CAMKMT: variants seen among roughly 807,000 people sequenced by gnomAD.
The protein encoded by CAMKMT is calmodulin-lysine N-methyltransferase, also known as CaM KMT.
CAMKMT carries 53 observed loss-of-function variants against 48.0 expected under a neutral mutation model. The observed-to-expected ratio is 1.10, with a 90% CI of 0.89 to 1.39. CAMKMT has a LOEUF of 1.39. Ranked by LOEUF, CAMKMT falls within the 40% of genes most tolerant of loss-of-function variation. The probability of loss-of-function intolerance (pLI) is 0.00; values close to 1 mark genes in which losing one functional copy is unlikely to be tolerated. For missense variants in CAMKMT, 428 were observed against 402.7 expected (o/e 1.06, Z -0.54); for synonymous variants, 165 against 152.3 (o/e 1.08, Z -0.61).
intron 3 of CAMKMT, among the ~76,000 whole-genome samples, chr2:44,567,755 G>T (rs1192405977): frequency 6.6e-6 from 1 of 152,124 alleles, no homozygotes; most frequent in Non-Finnish European, 1.5e-5. Flanking sequence ...CACAACTTTT[G>T]GCAGAATCCA....
chr2:44,485,788 A>G (rs941644139), intron 3 of CAMKMT, among the ~76,000 whole-genome samples: 4 of 152,206 alleles, frequency 2.6e-5, no homozygotes, highest in African/African-American at 7.2e-5. Context: ...ACAGATGACT[A>G]TACTATATGA....
chr2:44,573,718 C>T (rs1278810506), intron 3 of CAMKMT, among the ~76,000 whole-genome samples: 1 of 152,048 alleles, frequency 6.6e-6, no homozygotes, highest in Non-Finnish European at 1.5e-5. Context: ...GTTCTATAAT[C>T]TCATCTGGAA....
At chr2:44,521,353 A>G (rs1486976825) in intron 3 of CAMKMT, among the ~76,000 whole-genome samples, 1 of 152,034 alleles carries the variant, frequency 6.6e-6, no homozygotes, top group Non-Finnish European at 1.5e-5. Context: ...ATCTCCACTC[A>G]CTGCAACCTC....
intron 3 of CAMKMT, among the ~76,000 whole-genome samples, chr2:44,421,668 A>G (rs1022475539): frequency 6.6e-6 from 1 of 152,194 alleles, no homozygotes; most frequent in Non-Finnish European, 1.5e-5. Context: ...TCCAGGTAAA[A>G]TACCTAATTT....
At chr2:44,759,528 T>C (rs1230931942) in intron 9 of CAMKMT, among the ~76,000 whole-genome samples, 2 of 152,194 alleles carry the variant, frequency 1.3e-5, no homozygotes, top group African/African-American at 4.8e-5. Context: ...GGAAATTGCC[T>C]TGTGTATGTG....
chr2:44,417,836 C>T (rs557835215), intron 3 of CAMKMT, among the ~76,000 whole-genome samples: 40 of 152,264 alleles, frequency 2.6e-4, no homozygotes, highest in Admixed American at 1.9e-3. Context: ...ATTGGTCATT[C>T]ATATATCTTC....
chr2:44,367,642 T>G (rs900969431), intron 1 of CAMKMT, among the ~76,000 whole-genome samples: 2 of 144,600 alleles, frequency 1.4e-5, no homozygotes, highest in African/African-American at 5.9e-5. Flanking sequence ...TATTGCACTC[T>G]CCTCTCTGGC....
At chr2:44,646,856 T>C (rs929291730) in intron 3 of CAMKMT, among the ~76,000 whole-genome samples, 3 of 152,196 alleles carry the variant, frequency 2.0e-5, no homozygotes, top group African/African-American at 7.2e-5. Context: ...TGTCTCTGGT[T>C]AGTAAACGAT....
At chr2:44,662,932 A>ATT (rs1447109514) in intron 3 of CAMKMT, among the ~76,000 whole-genome samples, 1 of 152,200 alleles carries the variant, frequency 6.6e-6, no homozygotes, top group African/African-American at 2.4e-5. Flanking sequence ...AGATTCCTAT[A>ATT]TGTCATTTGC....
chr2:44,631,773 A>T (rs958320049), intron 3 of CAMKMT: 4 of 361,304 alleles, frequency 1.1e-5, no homozygotes, highest in African/African-American at 8.4e-5. Flanking sequence ...TTTGTTCATT[A>T]TTCTTTTTAC....
At position 44,374,751 on chromosome 2, in the gene CAMKMT, A is replaced by T. The variant is rs374443220; in HGVS notation, c.311+1863A>T. 4.6e-5 allele frequency among the ~76,000 whole-genome samples: 7 copies of T among 152,354 alleles called. No individual in the cohort carries two copies. In the East Asian group the frequency reaches 1.3e-3, roughly 29 times the overall value. ...TTGTGATATATGAAAGAATAAATGT[A>T]TATCTATACAAATATGACATTGAGT... On this transcript the variant is annotated intron_variant, in intron 2 of 10. Transcript: ENST00000378494.
intron 3 of CAMKMT, among the ~76,000 whole-genome samples, chr2:44,582,956 T>C (rs1019136586): frequency 2.0e-5 from 3 of 152,352 alleles, no homozygotes; most frequent in Non-Finnish European, 2.9e-5. Flanking sequence ...CTGAAATACA[T>C]ACTATCAGCA....
At chr2:44,629,707 C>T (rs1558756612) in intron 3 of CAMKMT, among the ~76,000 whole-genome samples, 2 of 152,098 alleles carry the variant, frequency 1.3e-5, no homozygotes, top group African/African-American at 2.4e-5. Context: ...AGGACCTCTT[C>T]AAGGAGAACT....
chr2:44,565,206 T>C (rs986657314), intron 3 of CAMKMT, among the ~76,000 whole-genome samples: 5 of 152,150 alleles, frequency 3.3e-5, no homozygotes, highest in African/African-American at 1.2e-4. Flanking sequence ...GGCAACACCT[T>C]CAAACATTTT....
chr2:44,765,764 T>C (rs1025936089), intron 9 of CAMKMT, among the ~76,000 whole-genome samples: 9 of 152,186 alleles, frequency 5.9e-5, no homozygotes, highest in African/African-American at 2.2e-4. Context: ...TATACCACTT[T>C]CTTTGAAAAG....
chr2:44,444,641 CAT>C (rs1553391997), intron 3 of CAMKMT, among the ~76,000 whole-genome samples: 3 of 152,114 alleles, frequency 2.0e-5, no homozygotes, highest in Non-Finnish European at 4.4e-5. Context: ...TACACACATA[CAT>C]GTGTGTGTAA....
rs573052839 is a variant in CAMKMT at position 44,544,630 on chromosome 2, A to AT, written c.376+154326dup. On this transcript the variant is annotated intron_variant, in intron 3 of 10. Coordinates refer to ENST00000378494, the MANE Select transcript of CAMKMT (RefSeq NM_024766.5). The stretch of plus-strand genomic sequence containing the variant: ...GCTGCAACCATTATCCAGTGCTAAC[A>AT]TGTCACTAAAGGTCTGCTAATAGAA... 3.9e-5 allele frequency among the ~76,000 whole-genome samples: 6 copies of AT among 152,344 alleles called. No homozygotes were observed. In the South Asian group the frequency reaches 1.2e-3, roughly 32 times the overall value.
intron 3 of CAMKMT, among the ~76,000 whole-genome samples, chr2:44,635,738 G>T (rs1673093876): frequency 6.6e-6 from 1 of 152,198 alleles, no homozygotes; most frequent in Admixed American, 6.5e-5. Context: ...CCAGGGTTTT[G>T]TAGCTGGGGG....
At chr2:44,648,077 T>C (rs1673849132) in intron 3 of CAMKMT, among the ~76,000 whole-genome samples, 2 of 152,104 alleles carry the variant, frequency 1.3e-5, no homozygotes, top group African/African-American at 4.8e-5. Flanking sequence ...TTAAAAAGAA[T>C]GAGGTCAATC....
Sources: allele counts gnomAD v4.1 joint callset (sites outside exome capture counted in the v4.1 genomes callset), GRCh38; gene constraint gnomAD v4.1.1; transcripts MANE v1.5; gene names NCBI Gene and HGNC (gene_info 2026-07-23, HGNC 2026-07-21).